Variants in CTNNA3 observed in about 807,000 individuals in gnomAD.
The protein encoded by CTNNA3 is catenin alpha-3.
Under a neutral mutation model 95.7 loss-of-function variants are expected in CTNNA3, and 76 were observed. The ratio of observed to expected loss-of-function variants is 0.79; its 90% confidence interval spans 0.66 to 0.96. CTNNA3 has a LOEUF of 0.96. Among genes scored for constraint, CTNNA3 ranks in the 40% least tolerant of loss-of-function variants. The probability of loss-of-function intolerance (pLI) is 0.00; values close to 1 mark genes in which losing one functional copy is unlikely to be tolerated. For synonymous variants in CTNNA3, 431 were observed against 374.4 expected (o/e 1.15, Z -1.74); for missense variants, 1,191 against 1,089.8 (o/e 1.09, Z -1.31).
At chr10:67,031,543 A>C (rs1166862792) in intron 7 of CTNNA3, among the ~76,000 whole-genome samples, 1 of 152,204 alleles carries the variant, frequency 6.6e-6, no homozygotes, top group Admixed American at 6.5e-5. Context: ...TCACTAAAAG[A>C]CTGACAGGGA....
At chr10:66,377,865 T>C (rs2092807037) in intron 12 of CTNNA3, among the ~76,000 whole-genome samples, 1 of 152,178 alleles carries the variant, frequency 6.6e-6, no homozygotes, top group African/African-American at 2.4e-5. Flanking sequence ...AAAAAGTAAC[T>C]ACTATGTGCC....
chr10:67,062,579 A>AAAATAT (rs1855824212), intron 7 of CTNNA3, among the ~76,000 whole-genome samples: 2 of 152,158 alleles, frequency 1.3e-5, no homozygotes, highest in African/African-American at 4.8e-5. Flanking sequence ...CTTAGAACAC[A>AAAATAT]AAATATAAAA....
intron 11 of CTNNA3, among the ~76,000 whole-genome samples, chr10:66,402,826 AC>A (rs1211745408): frequency 1.3e-5 from 2 of 152,032 alleles, no homozygotes; most frequent in African/African-American, 4.8e-5. Context: ...AGAAACTTGG[AC>A]CCCCACAGGG....
At chr10:67,235,761 C>G (rs1240410722) in intron 5 of CTNNA3, among the ~76,000 whole-genome samples, 1 of 144,050 alleles carries the variant, frequency 6.9e-6, no homozygotes, top group Non-Finnish European at 1.5e-5. Context: ...TTGCAATCTA[C>G]TCATCTGACA....
intron 1 of CTNNA3, among the ~76,000 whole-genome samples, chr10:67,704,275 G>A (rs549779174): frequency 6.6e-6 from 1 of 152,038 alleles, no homozygotes; most frequent in East Asian, 1.9e-4. Context: ...GTAAAAAACT[G>A]CTTTAAAGTT....
At chr10:67,079,598 C>T (rs1388967482) in intron 7 of CTNNA3, among the ~76,000 whole-genome samples, 1 of 151,928 alleles carries the variant, frequency 6.6e-6, no homozygotes, top group African/African-American at 2.4e-5. Flanking sequence ...GCCTGTAATC[C>T]CAGCATGTTG....
rs188893899 is a variant in CTNNA3, at chr10:66,633,133, G to C, written c.1282-11349C>G. On this transcript the variant is annotated intron_variant, in intron 9 of 17. Coordinates refer to ENST00000433211, the MANE Select transcript of CTNNA3 (RefSeq NM_013266.4). Reference sequence around the variant, plus strand: ...AGTTTCACCTACGAAAATTTAAAATGTTCAGAACTGTAGCAATTCAATTTA... The same window carrying C: ...AGTTTCACCTACGAAAATTTAAAATCTTCAGAACTGTAGCAATTCAATTTA... Among the ~76,000 whole-genome samples, 48 of 152,136 alleles carry C rather than the reference G, an allele frequency of 3.2e-4. 1 individual carries two copies. Among genetic ancestry groups the C allele is most frequent in the Non-Finnish European group, 6.2e-4 (42 of 68,020 alleles).
intron 7 of CTNNA3, among the ~76,000 whole-genome samples, chr10:67,104,025 T>A (rs1858488431): frequency 6.6e-6 from 1 of 151,824 alleles, no homozygotes. Flanking sequence ...TATTTTTATT[T>A]CCAATCATCT....
In CTNNA3 at chr10:67,219,606, C is replaced by A. The variant is rs1256726247; in HGVS notation, c.843+1G>T. 3.1e-6 allele frequency: 5 copies of A among 1,610,912 alleles called. No individual in the cohort carries two copies. The highest frequency in any genetic ancestry group is 1.7e-4 in the Middle Eastern group (1 of 6,046). ...CACACTTTATCTTTCTCCCGACTTA[C>A]CTCCAGCTCATCAAGGGCACTTCCC... On this transcript the variant is annotated splice_donor_variant, in intron 6 of 17. Coordinates refer to ENST00000433211, the MANE Select transcript of CTNNA3 (RefSeq NM_013266.4). LOFTEE classifies it high-confidence loss of function.
intron 7 of CTNNA3, among the ~76,000 whole-genome samples, chr10:66,791,989 T>C (rs962300432): frequency 2.6e-5 from 4 of 152,208 alleles, no homozygotes; most frequent in African/African-American, 9.7e-5. Flanking sequence ...ACCACTTCTA[T>C]AGAACTATTT....
At chr10:67,455,734 A>C (rs1239254060) in intron 5 of CTNNA3, among the ~76,000 whole-genome samples, 1 of 152,156 alleles carries the variant, frequency 6.6e-6, no homozygotes, top group African/African-American at 2.4e-5. Context: ...GCCTGACCAG[A>C]CCAGTATTCC....
chr10:66,360,805 C>CTT (rs1564897173), intron 12 of CTNNA3, among the ~76,000 whole-genome samples: 4 of 70,294 alleles, frequency 5.7e-5, no homozygotes, highest in African/African-American at 2.8e-4. Context: ...TCCTTCCTTC[C>CTT]TTCCTTCCTT....
chr10:67,387,816 G>T (rs1209537122), intron 5 of CTNNA3, among the ~76,000 whole-genome samples: 1 of 152,164 alleles, frequency 6.6e-6, no homozygotes. Flanking sequence ...ACCTCACATG[G>T]CAGGGTATTC....
intron 12 of CTNNA3, among the ~76,000 whole-genome samples, chr10:66,324,577 A>G (rs2092230726): frequency 6.6e-6 from 1 of 152,140 alleles, no homozygotes; most frequent in African/African-American, 2.4e-5. Context: ...CAGAGCCCAA[A>G]GCACTGGCCC....
intron 5 of CTNNA3, among the ~76,000 whole-genome samples, chr10:67,246,473 C>T (rs1865913697): frequency 6.6e-6 from 1 of 152,160 alleles, no homozygotes; most frequent in Admixed American, 6.6e-5. Context: ...ATAAACCATT[C>T]AAAAATTCAT....
At chr10:67,026,712 G>T (rs750051262) in intron 7 of CTNNA3, among the ~76,000 whole-genome samples, 10 of 152,170 alleles carry the variant, frequency 6.6e-5, no homozygotes, top group Non-Finnish European at 1.5e-4. Flanking sequence ...TGACGAAAAA[G>T]TATATTAACG....
chr10:66,056,630 G>A (rs1048206288), intron 15 of CTNNA3, among the ~76,000 whole-genome samples: 7 of 152,032 alleles, frequency 4.6e-5, no homozygotes, highest in Non-Finnish European at 8.8e-5. Context: ...AAATTGTTTG[G>A]TAGAACCCAA....
chr10:67,681,636 G>A (rs150596008), intron 1 of CTNNA3, among the ~76,000 whole-genome samples: 1 of 151,830 alleles, frequency 6.6e-6, no homozygotes, highest in Non-Finnish European at 1.5e-5. Flanking sequence ...TTTAAAGTAT[G>A]TATAATAAAT....
intron 13 of CTNNA3, among the ~76,000 whole-genome samples, chr10:66,134,371 G>A (rs1180948269): frequency 2.6e-5 from 4 of 151,900 alleles, no homozygotes; most frequent in Admixed American, 2.0e-4. Context: ...ATCAATCTTT[G>A]GCAATTTCTA....
Sources: gnomAD v4.1 joint callset for allele counts (sites outside exome capture counted in the v4.1 genomes callset) on GRCh38, gnomAD v4.1.1 for gene constraint, MANE v1.5 for transcripts, NCBI Gene and HGNC (gene_info 2026-07-23, HGNC 2026-07-21) for gene names.